The following MICAL2 variants were observed in gnomAD, a reference collection of about 807,000 sequenced individuals.
MICAL2 encodes [F-actin]-monooxygenase MICAL2.
In MICAL2, 77 loss-of-function variants were observed where a neutral mutation model predicts 127.3. That is an observed-to-expected ratio of 0.60 (90% CI 0.50 to 0.73). The LOEUF (loss-of-function observed/expected upper bound fraction) is 0.73. Ranked by LOEUF, MICAL2 falls within the 30% of genes least tolerant of loss-of-function variation. The probability of loss-of-function intolerance (pLI) is 0.00; values close to 1 mark genes in which losing one functional copy is unlikely to be tolerated. For synonymous variants in MICAL2, 570 were observed against 551.1 expected (o/e 1.03, Z -0.48); for missense variants, 1,351 against 1,434.4 (o/e 0.94, Z 0.94).
intron 13 of MICAL2, chr11:12,225,732 G>A (rs1159739462): frequency 1.6e-4 from 29 of 177,254 alleles, no homozygotes; most frequent in Admixed American, 1.7e-4. Context: ...TGATCTGCCC[G>A]CCTCTGCCTC....
rs780956949 is a variant in MICAL2 at position 12,187,069 on chromosome 11, G to A, written c.265-17181G>A. ...TGTGCTTTCTGCCTGAGGCTCCAGC[G>A]AGGACTCTGATCCTGTGTCCCCTCT... On this transcript the variant is annotated intron_variant, in intron 3 of 27. Transcript: ENST00000683283. Among the ~76,000 whole-genome samples the A allele has an allele frequency of 8.9e-4, 135 of 152,184 alleles. 3 individuals carry two copies. The highest frequency in any genetic ancestry group is 4.0e-4 in the Non-Finnish European group (27 of 68,020).
chr11:12,223,447 TACC>T lies in MICAL2; in HGVS notation c.1487_1489del (p.Tyr496_Pro497delinsSer). 1.9e-6 allele frequency: 3 copies of T among 1,614,052 alleles called. No homozygotes were observed. The Middle Eastern group carries it at 5.0e-4, about 267-fold the overall frequency. ...GTATATCACTAAGGAGCTGGAGCAC[TACC>T]CTCTCGAGAGACTGGGCTCGGTGAG... is the stretch of plus-strand genomic sequence containing the variant. On this transcript the variant is annotated inframe_deletion, in exon 12 of 28. Transcript: ENST00000683283.
chr11:12,174,111 A>T (rs1267612551), intron 3 of MICAL2, among the ~76,000 whole-genome samples: 1 of 152,144 alleles, frequency 6.6e-6, no homozygotes, highest in African/African-American at 2.4e-5. Context: ...AGATTTACAT[A>T]TCCAAGTTAT....
intron 15 of MICAL2, 33 bp from the exon 16 acceptor site, chr11:12,236,144 C>G (rs1565219280): frequency 6.2e-7 from 1 of 1,605,680 alleles, no homozygotes; most frequent in Non-Finnish European, 8.5e-7. Flanking sequence ...TTGGTGGCCC[C>G]CAGAGCTCAC....
downstream of MICAL2, among the ~76,000 whole-genome samples, chr11:12,289,313 C>T (rs893477786): frequency 2.6e-5 from 4 of 152,218 alleles, no homozygotes; most frequent in African/African-American, 7.2e-5. Context: ...GTGGGCCATA[C>T]CAAGGTTTCA....
At chr11:12,351,068 TTAGGACCCACTGAGA>T (rs1939035528) in intron 33 of MICAL2, among the ~76,000 whole-genome samples, 1 of 152,194 alleles carries the variant, frequency 6.6e-6, no homozygotes, top group Non-Finnish European at 1.5e-5. Flanking sequence ...GTCATTGGGT[TTAGGACCCACTGAGA>T]TAATCCAGAA....
intron 3 of MICAL2, among the ~76,000 whole-genome samples, chr11:12,193,436 C>T (rs1168363193): frequency 6.6e-6 from 1 of 152,236 alleles, no homozygotes; most frequent in Admixed American, 6.5e-5. Context: ...CACTTCCAGG[C>T]CTCATCATGG....
Position 12,153,031 on chromosome 11 carries a change from T to G in MICAL2, c.-77-9048T>G, listed in dbSNP as rs184368117. Among the ~76,000 whole-genome samples the G allele has an allele frequency of 7.2e-3, 1,089 of 152,170 alleles. 16 individuals are homozygous for G. Among genetic ancestry groups the G allele is most frequent in the East Asian group, 0.053 (274 of 5,168 alleles). ...ATACAATTTATCATTTTAACCTTTT[T>G]TTTGTTTGTTTGTTTTGAGGCAGGC... is the stretch of plus-strand genomic sequence containing the variant. On this transcript the variant is annotated intron_variant, in intron 2 of 27. Coordinates refer to ENST00000683283, the MANE Select transcript of MICAL2 (RefSeq NM_001282663.2).
intron 6 of MICAL2, among the ~76,000 whole-genome samples, chr11:12,213,048 G>A (rs1385850): frequency 0.82 from 125,032 of 152,126 alleles, 51,553 homozygotes; most frequent in South Asian, 0.87. Flanking sequence ...ACCAGGTCCT[G>A]TAGATTTTAG....
intron 3 of MICAL2, among the ~76,000 whole-genome samples, chr11:12,202,247 GAA>G (rs764160686): frequency 1.3e-5 from 2 of 151,982 alleles, no homozygotes; most frequent in Non-Finnish European, 2.9e-5. Flanking sequence ...CTTTCTCTTT[GAA>G]AGGGCAGTTA....
chr11:12,279,191 G>A (rs1010257204), intron 1 of MICAL2, among the ~76,000 whole-genome samples: 1 of 152,198 alleles, frequency 6.6e-6, no homozygotes, highest in Non-Finnish European at 1.5e-5. Flanking sequence ...TCAAGAGGGA[G>A]GGTTTGGTTC....
chr11:12,131,452 A>G lies in MICAL2; in HGVS notation c.-148-6938A>G, dbSNP rs189788054. On this transcript the variant is annotated intron_variant, in intron 1 of 27. Coordinates refer to ENST00000683283, the MANE Select transcript of MICAL2 (RefSeq NM_001282663.2). ...TGCACCTGGGCCATCCCTGGCCCCAATTCTTTGCTTTGGTTCTTCAGCACT... is the reference window on the plus strand; with the variant it reads ...TGCACCTGGGCCATCCCTGGCCCCAGTTCTTTGCTTTGGTTCTTCAGCACT... Among the ~76,000 whole-genome samples, 15 of 152,120 alleles carry G rather than the reference A, an allele frequency of 9.9e-5. No individual in the cohort carries two copies. In the South Asian group the frequency reaches 1.9e-3, roughly 19 times the overall value.
At chr11:12,344,943 TAA>T (rs36008605) in intron 32 of MICAL2, among the ~76,000 whole-genome samples, 5,440 of 148,878 alleles carry the variant, frequency 0.037, 321 homozygotes, top group African/African-American at 0.12. Flanking sequence ...CCGTCTGTAC[TAA>T]AAAAAAAAGT....
At chr11:12,344,472 CTATTAT>C (rs1555024327) in intron 32 of MICAL2, among the ~76,000 whole-genome samples, 18,022 of 141,012 alleles carry the variant, frequency 0.13, 1,368 homozygotes, top group South Asian at 0.19. Context: ...ATTCTAGAAA[CTATTAT>C]TATTATTATT....
Position 12,220,465 on chromosome 11 carries a change from C to T in MICAL2, c.1206+7C>T, listed in dbSNP as rs780791906. The T allele has an allele frequency of 5.6e-6, 9 of 1,605,002 alleles. No individual in the cohort carries two copies. The highest frequency in any genetic ancestry group is 7.6e-6 in the Non-Finnish European group (9 of 1,179,352). ...GGGTGACAGCTTGCTTGAGGTACTG[C>T]CTGAGCTCGGAGCCCCCATGTTTCT... On this transcript the variant is annotated splice_region_variant and intron_variant, in intron 9 of 27. Transcript: ENST00000683283.
exon 35 of MICAL2, chr11:12,358,465 C>T: frequency 1.2e-6 from 2 of 1,614,110 alleles, no homozygotes; most frequent in Non-Finnish European, 1.7e-6. Context: ...AGGCTGTCAG[C>T]TGAGCAGGAC....
chr11:12,198,377 C>T (rs990041184), intron 3 of MICAL2, among the ~76,000 whole-genome samples: 29 of 152,212 alleles, frequency 1.9e-4, no homozygotes, highest in African/African-American at 6.5e-4. Context: ...GAGTAAACCC[C>T]AGCACTGCCC....
intron 26 of MICAL2, chr11:12,261,930 G>A (rs1014485650): frequency 8.1e-6 from 8 of 986,870 alleles, no homozygotes; most frequent in African/African-American, 5.2e-5. Context: ...TGATGTGAAC[G>A]GCCATGTTAT....
chr11:12,337,521 C>T (rs1030147080), intron 32 of MICAL2, among the ~76,000 whole-genome samples: 39 of 152,164 alleles, frequency 2.6e-4, no homozygotes, highest in African/African-American at 8.2e-4. Flanking sequence ...GCTCTTGCTT[C>T]TCTAGTTCTT....
Sources: allele counts gnomAD v4.1 joint callset (sites outside exome capture counted in the v4.1 genomes callset), GRCh38; gene constraint gnomAD v4.1.1; transcripts MANE v1.5; gene names NCBI Gene and HGNC (gene_info 2026-07-23, HGNC 2026-07-21).